The following TMED3 variants were observed in gnomAD, a reference collection of about 807,000 sequenced individuals.
The protein encoded by TMED3 is transmembrane emp24 domain-containing protein 3.
Under a neutral mutation model 15.0 loss-of-function variants are expected in TMED3, and 9 were observed. The ratio of observed to expected loss-of-function variants is 0.60; its 90% CI spans 0.36 to 1.04. The LOEUF (loss-of-function observed/expected upper bound fraction) is 1.04. TMED3 is among the 50% of genes least tolerant of loss of function. TMED3 has a pLI of 0.01. For synonymous variants in TMED3, 117 were observed against 121.4 expected (o/e 0.96, Z 0.24); for missense variants, 267 against 278.9 (o/e 0.96, Z 0.30).
chr15:79,413,801 A>C (rs911544024), exon 3 of TMED3: 5 of 152,236 alleles, frequency 3.3e-5, no homozygotes, highest in Non-Finnish European at 5.9e-5. Context: ...CCTCGTCATG[A>C]CTGTGCTAAG....
In TMED3 at chr15:79,311,406, C is replaced by A; in HGVS notation, c.157C>A (p.Leu53Met). 6.2e-7 allele frequency: 1 copy of A among 1,609,892 alleles called. No homozygotes were observed. The highest frequency in any genetic ancestry group is 2.2e-5 in the East Asian group (1 of 44,584). ...GGTGGAGCAGGGCGTGAAGTTCTCC[C>A]TGGATTACCAGGTGAGGCCGGGCGC... ...EEVEQGVKFS[L>M]DYQVITGGHY... Residue 53 changes from leucine (L) to methionine (M), a missense_variant, in exon 1 of 3, where the codon CTG becomes ATG. This residue lies in a region of TMED3 where 69 missense variants were observed against 106.8 expected (regional missense o/e 0.65). Coordinates refer to ENST00000299705, the MANE Select transcript of TMED3 (RefSeq NM_007364.4).
chr15:79,322,411 T>A lies in TMED3; in HGVS notation c.*197T>A. The A allele has an allele frequency of 7.0e-7, 1 of 1,422,822 alleles. No individual in the cohort carries two copies. 88.1% of individuals were successfully genotyped at this position (1,422,822 alleles called of 1,614,324 possible). ...CTCAGAGACCAGTAATCAGAAGGCA[T>A]CCGACTGCATTAAGTGTGCAGCGCT... On this transcript the variant is annotated 3_prime_UTR_variant, in exon 3 of 3. Transcript: ENST00000299705.
At chr15:79,348,361 C>T (rs2058878944) in intron 2 of TMED3, among the ~76,000 whole-genome samples, 1 of 152,160 alleles carries the variant, frequency 6.6e-6, no homozygotes, top group Admixed American at 6.5e-5. Flanking sequence ...CATGTTCATG[C>T]TTGTCAAATA....
intron 2 of TMED3, among the ~76,000 whole-genome samples, chr15:79,368,410 A>G (rs1162540864): frequency 6.6e-6 from 1 of 152,234 alleles, no homozygotes; most frequent in Non-Finnish European, 1.5e-5. Flanking sequence ...CTTTAGTGAA[A>G]AAGGTGGGGT....
intron 1 of TMED3, among the ~76,000 whole-genome samples, chr15:79,312,718 A>G (rs77986817): frequency 6.6e-6 from 1 of 152,020 alleles, no homozygotes; most frequent in Non-Finnish European, 1.5e-5. Flanking sequence ...ATTCCCAAAG[A>G]CTCTTCCACC....
intron 2 of TMED3, among the ~76,000 whole-genome samples, chr15:79,382,543 C>T (rs547087695): frequency 4.6e-5 from 7 of 152,368 alleles, no homozygotes; most frequent in African/African-American, 1.4e-4. Flanking sequence ...GCCTGGCCTG[C>T]ACTGGCAGCA....
chr15:79,371,150 G>A (rs1893330636), intron 2 of TMED3, among the ~76,000 whole-genome samples: 1 of 152,140 alleles, frequency 6.6e-6, no homozygotes, highest in South Asian at 2.1e-4. Context: ...CCTACTTCAA[G>A]AAAACCAAAT....
chr15:79,413,559 T>G (rs1347521346), exon 3 of TMED3: 1 of 152,254 alleles, frequency 6.6e-6, no homozygotes, highest in Non-Finnish European at 1.5e-5. Context: ...GCCATCCAGG[T>G]AAGAAACCTT....
At chr15:79,350,840 C>G (rs1371080690) in intron 2 of TMED3, among the ~76,000 whole-genome samples, 1 of 152,180 alleles carries the variant, frequency 6.6e-6, no homozygotes, top group Non-Finnish European at 1.5e-5. Context: ...GAGTCAAAGT[C>G]AGACTTCACT....
chr15:79,342,230 A>G (rs905447707), intron 2 of TMED3, among the ~76,000 whole-genome samples: 1 of 152,210 alleles, frequency 6.6e-6, no homozygotes, highest in South Asian at 2.1e-4. Flanking sequence ...ATCTATCAGA[A>G]GAGAAAATGT....
At chr15:79,321,747 C>T (rs1406331506) in intron 2 of TMED3, among the ~76,000 whole-genome samples, 1 of 152,200 alleles carries the variant, frequency 6.6e-6, no homozygotes, top group Admixed American at 6.5e-5. Context: ...GACTCAGACT[C>T]TAACTCAGCC....
intron 2 of TMED3, among the ~76,000 whole-genome samples, chr15:79,405,555 C>A (rs115261250): frequency 6.6e-6 from 1 of 152,174 alleles, no homozygotes; most frequent in Non-Finnish European, 1.5e-5. Context: ...GTAGAGATTG[C>A]AGGGTGCAGC....
intron 2 of TMED3, among the ~76,000 whole-genome samples, chr15:79,353,280 A>C (rs60335025): frequency 7.0e-5 from 2 of 28,466 alleles, no homozygotes; most frequent in Non-Finnish European, 1.2e-4. Flanking sequence ...AATATATATA[A>C]TATATATTAT....
intron 2 of TMED3, among the ~76,000 whole-genome samples, chr15:79,384,981 C>T (rs543014695): frequency 5.7e-4 from 87 of 152,294 alleles, no homozygotes; most frequent in South Asian, 3.7e-3. Flanking sequence ...TCCAGGTTCT[C>T]ACATTGGGAC....
chr15:79,327,209 A>G (rs1391584777), downstream of TMED3, among the ~76,000 whole-genome samples: 1 of 152,220 alleles, frequency 6.6e-6, no homozygotes, highest in East Asian at 1.9e-4. Context: ...CATCCAAACT[A>G]TAGTGGGTCC....
chr15:79,396,153 T>C (rs1470264033), intron 2 of TMED3, among the ~76,000 whole-genome samples: 3 of 152,234 alleles, frequency 2.0e-5, no homozygotes, highest in Non-Finnish European at 4.4e-5. Context: ...CCGTAACAAT[T>C]ATCTTCTTTC....
chr15:79,311,360 C>A lies in TMED3; in HGVS notation c.111C>A (p.Ala37=). The change falls in exon 1 of 3, where the codon GCC becomes GCA. Residue 37 remains alanine, a synonymous_variant. Coordinates refer to ENST00000299705, the MANE Select transcript of TMED3 (RefSeq NM_007364.4). ...AELTFELPDN[A]KQCFHEEVEQ... ...TCACCTTCGAGCTGCCGGACAACGC[C>A]AAGCAGTGCTTCCACGAGGAGGTGG... 6.2e-7 allele frequency: 1 copy of A among 1,612,144 alleles called. No individual in the cohort carries two copies. Among genetic ancestry groups the A allele is most frequent in the Non-Finnish European group, 8.5e-7 (1 of 1,179,520 alleles).
chr15:79,341,708 A>G (rs1010322012), intron 2 of TMED3, among the ~76,000 whole-genome samples: 5 of 152,222 alleles, frequency 3.3e-5, no homozygotes, highest in Non-Finnish European at 5.9e-5. Flanking sequence ...CTCATCCCCA[A>G]GCAGGAAGAA....
chr15:79,343,543 T>C (rs1027400707), intron 2 of TMED3, among the ~76,000 whole-genome samples: 2 of 152,240 alleles, frequency 1.3e-5, no homozygotes, highest in Admixed American at 1.3e-4. Context: ...ATTTTCACTA[T>C]TACAAATCGG....
Sources: allele counts gnomAD v4.1 joint callset (sites outside exome capture counted in the v4.1 genomes callset), GRCh38; gene constraint gnomAD v4.1.1; regional missense constraint gnomAD v4.1.1; transcripts MANE v1.5; gene names NCBI Gene and HGNC (gene_info 2026-07-23, HGNC 2026-07-21).